The following KLHL5 variants were observed in gnomAD, a reference collection of about 807,000 sequenced individuals.
KLHL5 encodes the protein kelch like family member 5, also known as kelch-like protein 5.
In KLHL5, 48 loss-of-function variants were observed where a neutral mutation model predicts 77.7. That is an observed-to-expected ratio of 0.62 (90% CI 0.49 to 0.79). KLHL5 has a LOEUF of 0.79. Among genes scored for constraint, KLHL5 ranks in the 30% least tolerant of loss-of-function variants. KLHL5 has a pLI of 0.00. For synonymous variants in KLHL5, 260 were observed against 297.0 expected, an observed-to-expected ratio of 0.88 and a Z score of 1.28; for missense variants, 723 against 859.7, an observed-to-expected ratio of 0.84 and a Z score of 1.99.
chr4:39,086,622 A>G lies in KLHL5; in HGVS notation c.1008A>G (p.Thr336=). 3 of 1,613,966 alleles carry G rather than the reference A, an allele frequency of 1.9e-6. No individual in the cohort carries two copies. The highest frequency in any genetic ancestry group is 2.7e-5 in the African/African-American group (2 of 75,052). ...ACATGAACATTCCTAATGAGGAGAC[A>G]ATATTGAATGCACTTCTTACTTGGG... ...SDDMNIPNEE[T]ILNALLTWVR... is the part of the protein sequence containing the mutation. The change falls in exon 5 of 11, where the codon ACA becomes ACG. Residue 336 remains threonine (T), a synonymous_variant. Coordinates refer to ENST00000504108, the MANE Select transcript of KLHL5 (RefSeq NM_015990.5).
At chr4:39,115,818 C>G in intron 10 of KLHL5, 1 of 1,020,536 alleles carries the variant, frequency 9.8e-7, no homozygotes, top group Non-Finnish European at 1.2e-6. Flanking sequence ...ATCTGGCAGT[C>G]TTACTAACAG....
At chr4:39,070,935 G>A (rs1176921965) in intron 1 of KLHL5, among the ~76,000 whole-genome samples, 3 of 151,888 alleles carry the variant, frequency 2.0e-5, no homozygotes, top group Non-Finnish European at 4.4e-5. Context: ...AGCCCATACT[G>A]ATCTTCCCCT....
At chr4:39,133,015 C>A in the KLHL5 span, among the ~76,000 whole-genome samples, 79,763 of 151,860 alleles carry the variant, frequency 0.53, 21,551 homozygotes, top group Non-Finnish European at 0.59. Flanking sequence ...AAACCACAGT[C>A]CATCCACATC....
the KLHL5 span, among the ~76,000 whole-genome samples, chr4:39,143,036 T>TAC: frequency 6.5e-3 from 967 of 149,862 alleles, 5 homozygotes; most frequent in Middle Eastern, 0.048. Context: ...TGTATAAAGT[T>TAC]ACACACACAC....
intron 2 of KLHL5, among the ~76,000 whole-genome samples, chr4:39,078,636 A>C (rs1719316847): frequency 6.6e-6 from 1 of 152,028 alleles, no homozygotes; most frequent in Non-Finnish European, 1.5e-5. Flanking sequence ...CAGAGGTTGC[A>C]ATGAGCCAAG....
At chr4:39,120,965 C>G in intron 10 of KLHL5, 45 bp from the exon 11 acceptor site, 1 of 1,456,942 alleles carries the variant, frequency 6.9e-7, no homozygotes, top group Non-Finnish European at 9.6e-7. Context: ...GTAGTGTTGA[C>G]ATTTTAACCT....
intron 8 of KLHL5, 173 bp from the exon 9 acceptor site, chr4:39,112,847 C>G (rs1318039196): frequency 1.7e-6 from 1 of 603,302 alleles, no homozygotes; most frequent in African/African-American, 1.9e-5. Context: ...ATATATGATA[C>G]TTACATGTGT....
chr4:39,070,550 A>C (rs1304109741), intron 1 of KLHL5, among the ~76,000 whole-genome samples: 1 of 152,116 alleles, frequency 6.6e-6, no homozygotes, highest in Non-Finnish European at 1.5e-5. Flanking sequence ...GGGTTTTCAC[A>C]TTTGAGGGGT....
intron 10 of KLHL5, 153 bp downstream of exon 10, chr4:39,115,483 G>T (rs3733277): frequency 6.7e-7 from 1 of 1,498,800 alleles, no homozygotes; most frequent in Non-Finnish European, 8.9e-7. Flanking sequence ...AAGAGGCAAT[G>T]TTTAATTTTA....
chr4:39,084,755 C>T (rs929174328), intron 4 of KLHL5, among the ~76,000 whole-genome samples: 1 of 152,072 alleles, frequency 6.6e-6, no homozygotes, highest in Non-Finnish European at 1.5e-5. Context: ...ATAGTTATAC[C>T]AATGTATAAA....
At chr4:39,074,281 T>C (rs1217896127) in intron 1 of KLHL5, among the ~76,000 whole-genome samples, 1 of 152,202 alleles carries the variant, frequency 6.6e-6, no homozygotes, top group African/African-American at 2.4e-5. Flanking sequence ...TGAAAATACA[T>C]TGGACTAGGA....
upstream of KLHL5, among the ~76,000 whole-genome samples, chr4:39,059,982 C>A (rs1717278588): frequency 6.6e-6 from 1 of 152,106 alleles, no homozygotes; most frequent in Admixed American, 6.5e-5. Context: ...AAAAGCCTCA[C>A]AAGGATGTTT....
the KLHL5 span, among the ~76,000 whole-genome samples, chr4:39,140,640 G>A: frequency 6.6e-6 from 1 of 152,150 alleles, no homozygotes; most frequent in Non-Finnish European, 1.5e-5. Context: ...CTTCCACACA[G>A]CAAATATTTT....
Position 39,124,074 on chromosome 4 carries a change from G to T in KLHL5, c.*3008G>T, listed in dbSNP as rs184530880. ...ATTTCATTTACAATAACATGAAAAA[G>T]AATAAAATACTTAGAAATAAATTTG... On this transcript the variant is annotated 3_prime_UTR_variant, in exon 11 of 11. Transcript: ENST00000504108. 4.1e-4 allele frequency among the ~76,000 whole-genome samples: 63 copies of T among 152,218 alleles called. 1 individual carries two copies. Among genetic ancestry groups the T allele is most frequent in the African/African-American group, 1.4e-3 (60 of 41,554 alleles).
chr4:39,076,662 G>A (rs1719071321), intron 2 of KLHL5, among the ~76,000 whole-genome samples: 1 of 151,432 alleles, frequency 6.6e-6, no homozygotes, highest in African/African-American at 2.4e-5. Context: ...AAGGAAAAGA[G>A]CCATTTAATA....
chr4:39,116,395 G>C (rs1303778988), intron 10 of KLHL5: 2 of 152,108 alleles, frequency 1.3e-5, no homozygotes, highest in Non-Finnish European at 2.9e-5. Context: ...TGAGGTCTTG[G>C]GTAGGTAAGA....
At position 39,052,051 on chromosome 4, in the gene KLHL5, A is replaced by G. The variant is rs189459962; in HGVS notation, c.-95+6955A>G. Among the ~76,000 whole-genome samples the G allele has an allele frequency of 2.6e-4, 40 of 152,304 alleles. No individual in the cohort carries two copies. In the East Asian group the frequency reaches 7.1e-3, roughly 27 times the overall value. ...TGTATTATCTGCAGTGCCTTTCATT[A>G]AGAAGTATTCCATAATATTTCTTTT... On this transcript the variant is annotated intron_variant, in intron 1 of 11. Coordinates refer to the KLHL5 transcript ENST00000261425.
chr4:39,076,013 A>G lies in KLHL5; in HGVS notation c.432A>G (p.Pro144=). The change falls in exon 2 of 11, where the codon CCA becomes CCG. Residue 144 remains proline, a synonymous_variant. Transcript: ENST00000504108. ...TATCATCCTGTCATACTATGGAGCC[A>G]TGTACATCAGATGAATTTTTCCAAG... The part of the protein sequence containing the change: ...QTLSSCHTME[P]CTSDEFFQAL... 6.2e-7 allele frequency: 1 copy of G among 1,612,838 alleles called. No individual in the cohort carries two copies. The highest frequency in any genetic ancestry group is 8.5e-7 in the Non-Finnish European group (1 of 1,179,608).
At chr4:39,062,107 A>T, upstream of KLHL5, 1 of 363,466 alleles carries the variant, frequency 2.8e-6, no homozygotes, top group South Asian at 1.1e-4. Flanking sequence ...TTAGGGACTT[A>T]GTTTAGAAAT....
Sources: gnomAD v4.1 joint callset for allele counts (sites outside exome capture counted in the v4.1 genomes callset) on GRCh38, gnomAD v4.1.1 for gene constraint, MANE v1.5 for transcripts, NCBI Gene and HGNC (gene_info 2026-07-23, HGNC 2026-07-21) for gene names.